The following TMEM178A variants were observed in gnomAD, a reference collection of about 807,000 sequenced individuals.
The protein encoded by TMEM178A is transmembrane protein 178A, also known as transmembrane protein 178.
TMEM178A carries 12 observed loss-of-function variants against 29.1 expected under a neutral mutation model. The ratio of observed to expected loss-of-function variants is 0.41; its 90% CI spans 0.26 to 0.67. The LOEUF (loss-of-function observed/expected upper bound fraction) is 0.67. TMEM178A is among the 30% of genes least tolerant of loss of function. TMEM178A has a pLI of 0.29. For missense variants in TMEM178A, 366 were observed against 419.1 expected, an observed-to-expected ratio of 0.87 and a Z score of 1.11; for synonymous variants, 210 against 187.2, an observed-to-expected ratio of 1.12 and a Z score of -0.99.
chr2:39,666,395 G>A, intron 1 of TMEM178A, 21 bp downstream of exon 1: 1 of 1,321,096 alleles, frequency 7.6e-7, no homozygotes, highest in Admixed American at 3.0e-5. Context: ...GGCGCACCCC[G>A]CGTCCCCGGC....
chr2:39,735,224 C>G, the TMEM178A span, among the ~76,000 whole-genome samples: 3 of 152,246 alleles, frequency 2.0e-5, no homozygotes, highest in East Asian at 5.8e-4. Flanking sequence ...ATCCTTTATC[C>G]GCAGTATCCA....
intron 1 of TMEM178A, among the ~76,000 whole-genome samples, chr2:39,680,550 AT>A (rs1670825239): frequency 6.6e-6 from 1 of 152,124 alleles, no homozygotes; most frequent in Non-Finnish European, 1.5e-5. Flanking sequence ...ATAATTTATA[AT>A]TTTTTTCTTA....
upstream of TMEM178A, chr2:39,665,849 C>A: frequency 1.3e-6 from 1 of 791,172 alleles, no homozygotes. Flanking sequence ...GGCGAGGAGG[C>A]CGTAGGAGGG....
chr2:39,683,885 C>A (rs1021859024), intron 1 of TMEM178A, among the ~76,000 whole-genome samples: 11 of 152,188 alleles, frequency 7.2e-5, no homozygotes, highest in Non-Finnish European at 1.5e-4. Context: ...GTTCCTTTAG[C>A]AGTGCCTTAT....
At chr2:39,705,721 C>T (rs973634913) in intron 2 of TMEM178A, among the ~76,000 whole-genome samples, 1 of 152,140 alleles carries the variant, frequency 6.6e-6, no homozygotes, top group Non-Finnish European at 1.5e-5. Flanking sequence ...TCCATGAAGC[C>T]GCCCCTAAGC....
chr2:39,701,145 G>A (rs1164073007), intron 1 of TMEM178A, among the ~76,000 whole-genome samples: 2 of 151,968 alleles, frequency 1.3e-5, no homozygotes, highest in African/African-American at 4.8e-5. Flanking sequence ...ACCTTTACAT[G>A]TGCTTTTTAT....
intron 1 of TMEM178A, among the ~76,000 whole-genome samples, chr2:39,693,446 T>C (rs1355994714): frequency 6.6e-6 from 1 of 152,222 alleles, no homozygotes; most frequent in African/African-American, 2.4e-5. Flanking sequence ...ACTGAATTGA[T>C]GGCTGTATTC....
chr2:39,686,148 T>A (rs2148072804), intron 1 of TMEM178A, among the ~76,000 whole-genome samples: 1 of 152,330 alleles, frequency 6.6e-6, no homozygotes, highest in Non-Finnish European at 1.5e-5. Flanking sequence ...GAGCAGGAAG[T>A]CACCAGGTGC....
the TMEM178A span, among the ~76,000 whole-genome samples, chr2:39,731,488 A>G: frequency 6.6e-6 from 1 of 152,210 alleles, no homozygotes; most frequent in Non-Finnish European, 1.5e-5. Context: ...GAGCAAGAGA[A>G]TGTCTAGGAA....
chr2:39,730,839 C>T, the TMEM178A span, among the ~76,000 whole-genome samples: 1 of 152,162 alleles, frequency 6.6e-6, no homozygotes, highest in Admixed American at 6.5e-5. Context: ...TAACAGGTAC[C>T]ACTCTCACTT....
At chr2:39,676,240 A>C (rs1310297679) in intron 1 of TMEM178A, among the ~76,000 whole-genome samples, 1 of 152,262 alleles carries the variant, frequency 6.6e-6, no homozygotes, top group South Asian at 2.1e-4. Context: ...AAAATGGCTT[A>C]GCCTACAAGG....
downstream of TMEM178A, among the ~76,000 whole-genome samples, chr2:39,720,914 A>C (rs1208877342): frequency 6.6e-6 from 1 of 152,208 alleles, no homozygotes; most frequent in African/African-American, 2.4e-5. Context: ...CCTAGACGTA[A>C]CTTAAAATGT....
chr2:39,704,016 C>G (rs1279843309), intron 1 of TMEM178A, 65 bp from the exon 2 acceptor site: 2 of 1,391,878 alleles, frequency 1.4e-6, no homozygotes, highest in African/African-American at 2.8e-5. Context: ...GGTATTCTGC[C>G]TCAGGTCTCA....
At chr2:39,667,988 C>T (rs997349160) in intron 1 of TMEM178A, among the ~76,000 whole-genome samples, 1 of 152,196 alleles carries the variant, frequency 6.6e-6, no homozygotes, top group Non-Finnish European at 1.5e-5. Flanking sequence ...AATGACAGAA[C>T]TGCATTTCCT....
chr2:39,723,683 AT>A, the TMEM178A span, among the ~76,000 whole-genome samples: 1 of 152,062 alleles, frequency 6.6e-6, no homozygotes, highest in South Asian at 2.1e-4. Context: ...TCTTGTTACT[AT>A]TTGCCCCTAC....
At chr2:39,715,376 A>G (rs750389015) in intron 3 of TMEM178A, among the ~76,000 whole-genome samples, 2 of 152,180 alleles carry the variant, frequency 1.3e-5, no homozygotes, top group Non-Finnish European at 2.9e-5. Flanking sequence ...GCTTTGTTAT[A>G]TATAAAAACT....
chr2:39,684,542 T>C (rs995358964), intron 1 of TMEM178A, among the ~76,000 whole-genome samples: 4 of 152,264 alleles, frequency 2.6e-5, no homozygotes, highest in African/African-American at 9.6e-5. Context: ...AGTATTTTAA[T>C]GTGTGGATGC....
At chr2:39,720,329 C>T (rs996890426), downstream of TMEM178A, among the ~76,000 whole-genome samples, 8 of 152,110 alleles carry the variant, frequency 5.3e-5, no homozygotes, top group Admixed American at 6.5e-5. Flanking sequence ...CCTGGGAACC[C>T]GGGACTCAGG....
intron 3 of TMEM178A, among the ~76,000 whole-genome samples, chr2:39,708,900 T>G (rs907983299): frequency 2.0e-5 from 3 of 152,186 alleles, no homozygotes; most frequent in South Asian, 2.1e-4. Flanking sequence ...AGAAAACTCG[T>G]GTATTAATGA....
Sources: gnomAD v4.1 joint callset for allele counts (sites outside exome capture counted in the v4.1 genomes callset) on GRCh38, gnomAD v4.1.1 for gene constraint, MANE v1.5 for transcripts, NCBI Gene and HGNC (gene_info 2026-07-23, HGNC 2026-07-21) for gene names.